The following CAPN15 variants were observed in gnomAD, a reference collection of about 807,000 sequenced individuals.
The protein encoded by CAPN15 is calpain-15.
In CAPN15, 53 loss-of-function variants were observed where a neutral mutation model predicts 97.9. The ratio of observed to expected loss-of-function variants is 0.54; its 90% confidence interval spans 0.43 to 0.68. The LOEUF is 0.68. Ranked by LOEUF, CAPN15 falls within the 30% of genes least tolerant of loss-of-function variation. CAPN15 has a pLI of 0.00. For missense variants in CAPN15, 1,592 were observed against 1,589.8 expected (o/e 1.00, Z -0.02); for synonymous variants, 922 against 722.5 (o/e 1.28, Z -4.43).
intron 3 of CAPN15, among the ~76,000 whole-genome samples, chr16:543,556 G>A (rs1010472830): frequency 2.6e-5 from 4 of 152,112 alleles, no homozygotes; most frequent in African/African-American, 9.7e-5. Flanking sequence ...CGGCATCCCT[G>A]GGGCCACTCC....
chr16:552,150 A>G lies in CAPN15; in HGVS notation c.2445A>G (p.Val815=), dbSNP rs1355749372. The change falls in exon 10 of 14, where the codon GTA becomes GTG. Residue 815 remains valine (V), a synonymous_variant. Coordinates refer to ENST00000219611, the MANE Select transcript of CAPN15 (RefSeq NM_005632.3). This position sits in a 1 kb window ranked among gnomAD's most constrained non-coding sequence, Gnocchi z 6.4. ...GCTCGGCCAGCGCGCCCGTGGGGGT[A>G]ACAGCGCTCACGGTGCTGGAGCGGG... The part of the protein sequence containing the change: ...FPSSASAPVG[V]TALTVLERAS... 3 of 1,547,164 alleles carry G rather than the reference A, an allele frequency of 1.9e-6. No homozygotes were observed. Among genetic ancestry groups the G allele is most frequent in the South Asian group, 1.2e-5 (1 of 83,804 alleles).
Position 535,358 on chromosome 16 carries a change from G to A in CAPN15, c.-136-671G>A. The A allele has an allele frequency of 6.5e-6, 1 of 154,318 alleles. No homozygotes were observed. Among genetic ancestry groups the A allele is most frequent in the Middle Eastern group, 5.2e-4 (1 of 1,922 alleles). The allele number at this position is 154,318 out of a possible 1,614,324, so 9.6% of individuals were successfully genotyped here. ...TCAGCCCTGTGCTGAGCCCCGGGCA[G>A]TGTGATCATCCTGGCCCTTCTCGTG... is the stretch of plus-strand genomic sequence containing the variant. On this transcript the variant is annotated intron_variant, in intron 2 of 13. Coordinates refer to ENST00000219611, the MANE Select transcript of CAPN15 (RefSeq NM_005632.3). This position sits in a 1 kb window ranked among gnomAD's most constrained non-coding sequence, Gnocchi z 6.2.
At chr16:542,954 A>G (rs9921680) in intron 3 of CAPN15, among the ~76,000 whole-genome samples, 4,754 of 152,034 alleles carry the variant, frequency 0.031, 269 homozygotes, top group African/African-American at 0.11. Flanking sequence ...GGGAGGCTGA[A>G]GCAGGAGAAT....
intron 9 of CAPN15, 107 bp from the exon 10 acceptor site, chr16:551,944 A>G (rs2142076824): frequency 8.0e-7 from 1 of 1,250,460 alleles, no homozygotes; most frequent in East Asian, 2.5e-5. Context: ...ACGGTGACGG[A>G]GCAGCTGGCA....
At position 547,481 on chromosome 16, in the gene CAPN15, G is replaced by A. The variant is rs2034674945; in HGVS notation, c.643G>A (p.Ala215Thr). The A allele has an allele frequency of 6.3e-7, 1 of 1,596,662 alleles. No individual in the cohort carries two copies. The highest frequency in any genetic ancestry group is 1.3e-5 in the African/African-American group (1 of 74,964). ...PGEGAEANPP[A>T]TSQGPAAEPE... Reference sequence around the variant, plus strand: ...GGAAGGTGCCGAGGCCAACCCCCCAGCCACCAGCCAGGGCCCAGCTGCCGA... The same window carrying A: ...GGAAGGTGCCGAGGCCAACCCCCCAACCACCAGCCAGGGCCCAGCTGCCGA... Residue 215 changes from alanine (A) to threonine (T), a missense_variant, in exon 4 of 14, where the codon GCC becomes ACC. Coordinates refer to ENST00000219611, the MANE Select transcript of CAPN15 (RefSeq NM_005632.3).
intron 1 of CAPN15, among the ~76,000 whole-genome samples, chr16:531,150 A>C (rs746205047): frequency 1.3e-5 from 2 of 152,256 alleles, no homozygotes; most frequent in Non-Finnish European, 2.9e-5. Flanking sequence ...GTTCCTCCTC[A>C]TGGCCTTCCC....
Position 552,976 on chromosome 16 carries a change from C to G in CAPN15, c.3018C>G (p.Asp1006Glu). 1.9e-6 allele frequency: 3 copies of G among 1,611,796 alleles called. No homozygotes were observed. The East Asian group carries it at 6.7e-5, about 36-fold the overall frequency. ...AYLHVQCDCT[D>E]SFNVVSTRGS... ...TGCACGTGCAGTGTGACTGCACCGA[C>G]AGCTTCAACGTGGTGTCCACACGCG... The change falls in exon 13 of 14, where the codon GAC becomes GAG. Residue 1006 changes from aspartate (D) to glutamate (E), a missense_variant. Coordinates refer to ENST00000219611, the MANE Select transcript of CAPN15 (RefSeq NM_005632.3). This position sits in a 1 kb window ranked among gnomAD's most constrained non-coding sequence, Gnocchi z 6.4.
intron 9 of CAPN15, 68 bp downstream of exon 9, chr16:551,732 A>G: frequency 6.4e-7 from 1 of 1,564,958 alleles, no homozygotes; most frequent in East Asian, 2.3e-5. Context: ...TCTCTGGAGA[A>G]CAAGCCTGTC....
At chr16:528,661 C>T (rs1295718026) in intron 1 of CAPN15, 3 of 938,366 alleles carry the variant, frequency 3.2e-6, no homozygotes, top group Non-Finnish European at 3.8e-6. Context: ...GTCAGCTGGC[C>T]CTGGCCGGGC....
chr16:549,888 G>A (rs1285847962), intron 7 of CAPN15, 50 bp downstream of exon 7: 4 of 1,424,010 alleles, frequency 2.8e-6, no homozygotes, highest in East Asian at 2.5e-5. Flanking sequence ...GAGAGGCGAG[G>A]CGGAGCGGTG....
At position 547,756 on chromosome 16, in the gene CAPN15, C is replaced by T. The variant is rs1162203741; in HGVS notation, c.918C>T (p.Gly306=). 6.2e-7 allele frequency: 1 copy of T among 1,608,530 alleles called. No homozygotes were observed. Among genetic ancestry groups the T allele is most frequent in the Non-Finnish European group, 8.5e-7 (1 of 1,177,412 alleles). ...SVLEEEATEG[G]TSRVEAGSST... ...TGGAGGAAGAGGCCACGGAGGGTGG[C>T]ACCAGCCGCGTAGAGGCCGGCAGCT... The change falls in exon 4 of 14, where the codon GGC becomes GGT. Residue 306 remains glycine (G), a synonymous_variant. Transcript: ENST00000219611.
Position 547,990 on chromosome 16 carries a change from TG to T in CAPN15, c.1156del (p.Ala386ProfsTer66). 2 of 1,581,494 alleles carry T rather than the reference TG, an allele frequency of 1.3e-6. No homozygotes were observed. Among genetic ancestry groups the T allele is most frequent in the Admixed American group, 1.8e-5 (1 of 56,694 alleles). ...AGCCCCCCACCCACTGCCCCGACTG[TG>T]GGGCCGACAAGCCCAGCCCCTGCGG... ...GEPPTHCPDC[G>X]ADKPSPCGRS... On this transcript the variant is annotated frameshift_variant, in exon 4 of 14. Coordinates refer to ENST00000219611, the MANE Select transcript of CAPN15 (RefSeq NM_005632.3). LOFTEE classifies it high-confidence loss of function.
chr16:550,019 G>A (rs1282151062), intron 7 of CAPN15, among the ~76,000 whole-genome samples, 181 bp downstream of exon 7: 2 of 152,214 alleles, frequency 1.3e-5, no homozygotes, highest in Non-Finnish European at 2.9e-5. Flanking sequence ...GGCGGGGCTG[G>A]AGCTGGCCTT....
At chr16:544,378 C>G (rs1414427634) in intron 3 of CAPN15, among the ~76,000 whole-genome samples, 1 of 152,008 alleles carries the variant, frequency 6.6e-6, no homozygotes, top group Non-Finnish European at 1.5e-5. Context: ...GTGGCTTTGA[C>G]CGAGGCCCCG....
intron 9 of CAPN15, 78 bp downstream of exon 9, chr16:551,742 C>G (rs2035095454): frequency 6.5e-7 from 1 of 1,550,038 alleles, no homozygotes; most frequent in African/African-American, 1.4e-5. Flanking sequence ...ACAAGCCTGT[C>G]CCTCCTGCTG....
Position 552,314 on chromosome 16 carries a change from G to A in CAPN15, c.2521G>A (p.Val841Met), listed in dbSNP as rs371113344. The A allele has an allele frequency of 1.2e-4, 183 of 1,568,760 alleles. 1 individual carries two copies. The highest frequency in any genetic ancestry group is 6.7e-4 in the South Asian group (58 of 86,900). Reference protein sequence around the residue: ...FQEGSRRSDAVDSHLLDLCIL... With the variant: ...FQEGSRRSDAMDSHLLDLCIL... Reference sequence around the variant, plus strand: ...TGTCTGGCGCAGGCGCTCGGACGCCGTGGACAGCCACCTGCTGGACCTGTG... The same window carrying A: ...TGTCTGGCGCAGGCGCTCGGACGCCATGGACAGCCACCTGCTGGACCTGTG... Residue 841 changes from valine (V) to methionine (M), a missense_variant, in exon 11 of 14, where the codon GTG (valine) becomes ATG (methionine). Transcript: ENST00000219611. This position sits in a 1 kb window ranked among gnomAD's most constrained non-coding sequence, Gnocchi z 6.4.
chr16:549,777 C>T lies in CAPN15; in HGVS notation c.2005C>T (p.Arg669Cys), dbSNP rs1051024793. The T allele has an allele frequency of 5.1e-5, 82 of 1,592,650 alleles. No individual in the cohort carries two copies. The highest frequency in any genetic ancestry group is 6.5e-5 in the Non-Finnish European group (76 of 1,169,822). ...LALQLSSTNP[R>C]EEPVDTDLIW... is the part of the protein sequence containing the mutation. ...GCTGCAGCTCAGCTCCACTAACCCC[C>T]GCGAGGAGCCCGTTGACACTGACCT... The change falls in exon 7 of 14, where the codon CGC (arginine) becomes TGC (cysteine). Residue 669 changes from arginine (R) to cysteine (C), a missense_variant. Physicochemically the swap from Arg to Cys is radical, Grantham distance 180. Coordinates refer to ENST00000219611, the MANE Select transcript of CAPN15 (RefSeq NM_005632.3).
intron 4 of CAPN15, 43 bp from the exon 5 acceptor site, chr16:548,949 AG>A: frequency 6.3e-7 from 1 of 1,586,374 alleles, no homozygotes. Flanking sequence ...AGGTGGAGCG[AG>A]GCCACCCTGC....
At chr16:534,379 G>A (rs968974966) in intron 2 of CAPN15, among the ~76,000 whole-genome samples, 1 of 152,216 alleles carries the variant, frequency 6.6e-6, no homozygotes, top group Non-Finnish European at 1.5e-5. Context: ...GAGGGTGCCT[G>A]GTCCCTGGGG....
Sources: allele counts gnomAD v4.1 joint callset (sites outside exome capture counted in the v4.1 genomes callset), GRCh38; gene constraint gnomAD v4.1.1; non-coding constraint Gnocchi (gnomAD v3.1); transcripts MANE v1.5; gene names NCBI Gene and HGNC (gene_info 2026-07-23, HGNC 2026-07-21).